The following SMC2 variants were observed in gnomAD, a reference collection of about 807,000 sequenced individuals.
The protein encoded by SMC2 is structural maintenance of chromosomes 2, also known as structural maintenance of chromosomes protein 2.
A neutral mutation model predicts 142.6 loss-of-function variants in SMC2; 41 were observed. The observed-to-expected ratio is 0.29, with a 90% confidence interval of 0.22 to 0.37. The LOEUF is 0.37. Among genes scored for constraint, SMC2 ranks in the 10% least tolerant of loss-of-function variants. The pLI is 1.00. For missense variants in SMC2, 1,265 were observed against 1,373.7 expected, an observed-to-expected ratio of 0.92 and a Z score of 1.25; for synonymous variants, 463 against 457.5, an observed-to-expected ratio of 1.01 and a Z score of -0.15.
chr9:104,119,985 T>C lies in SMC2; in HGVS notation c.1997-42T>C, dbSNP rs200845311. On this transcript the variant is annotated intron_variant, in intron 15 of 24. Coordinates refer to ENST00000374793, the MANE Select transcript of SMC2 (RefSeq NM_006444.3). Reference sequence around the variant, plus strand: ...GACTTTTTATTGTGTAGTACATACCTGGTAACAATGTGGAAGACCTGTTTC... The same window carrying C: ...GACTTTTTATTGTGTAGTACATACCCGGTAACAATGTGGAAGACCTGTTTC... 1.9e-6 allele frequency: 3 copies of C among 1,604,994 alleles called. No homozygotes were observed. In the East Asian group the frequency reaches 6.7e-5, roughly 36 times the overall value.
intron 15 of SMC2, among the ~76,000 whole-genome samples, chr9:104,119,296 T>C (rs560818236): frequency 2.6e-5 from 4 of 152,352 alleles, no homozygotes; most frequent in Admixed American, 6.5e-5. Context: ...TTTTTACTTA[T>C]AGGATATGAA....
rs2131528142 is a variant in SMC2 at position 104,129,841 on chromosome 9, A to G, written c.2987A>G (p.Glu996Gly). Reference sequence around the variant, plus strand: ...ATGAATGTATTGACAGAAGCTGAAGAGCGAGTAAGTCAATTTCTTATGAAT... The same window carrying G: ...ATGAATGTATTGACAGAAGCTGAAGGGCGAGTAAGTCAATTTCTTATGAAT... ...RAMNVLTEAEERYNDLMKKKR... is the reference protein window; with the variant it reads ...RAMNVLTEAEGRYNDLMKKKR... Residue 996 changes from glutamate (E) to glycine (G), a missense_variant, in exon 21 of 25, where the codon GAG becomes GGG. Coordinates refer to ENST00000374793, the MANE Select transcript of SMC2 (RefSeq NM_006444.3). 1 of 1,612,022 alleles carries G rather than the reference A, an allele frequency of 6.2e-7. No individual in the cohort carries two copies.
intron 5 of SMC2, 63 bp from the exon 6 acceptor site, chr9:104,100,030 A>T (rs892644788): frequency 3.7e-5 from 35 of 935,990 alleles, no homozygotes; most frequent in Admixed American, 5.8e-5. Context: ...TGATATATTT[A>T]ATGTAAATTC....
chr9:104,131,293 G>A (rs1834932379), intron 21 of SMC2, among the ~76,000 whole-genome samples: 1 of 152,116 alleles, frequency 6.6e-6, no homozygotes, highest in Non-Finnish European at 1.5e-5. Context: ...TAAGACAATA[G>A]TGAGTTTATT....
intron 13 of SMC2, among the ~76,000 whole-genome samples, chr9:104,115,840 A>G (rs947685205): frequency 2.0e-5 from 3 of 152,052 alleles, no homozygotes; most frequent in Non-Finnish European, 4.4e-5. Context: ...CCTTTGACCT[A>G]TGACCTACTT....
intron 18 of SMC2, among the ~76,000 whole-genome samples, chr9:104,126,385 G>A (rs1163632280): frequency 1.3e-5 from 2 of 151,950 alleles, no homozygotes; most frequent in African/African-American, 2.4e-5. Context: ...TTTCCCTATA[G>A]GAATAAAGGA....
rs536652729 is a variant in SMC2 at position 104,120,096 on chromosome 9, G to A, written c.2066G>A (p.Arg689Lys). 1.2e-6 allele frequency: 2 copies of A among 1,613,916 alleles called. No homozygotes were observed. Among genetic ancestry groups the A allele is most frequent in the Admixed American group, 1.7e-5 (1 of 60,004 alleles). Residue 689 changes from arginine to lysine, a missense_variant, in exon 16 of 25, where the codon AGA (arginine) becomes AAA (lysine). Physicochemically the swap from Arg to Lys is conservative, Grantham distance 26 (BLOSUM62 2). Around this residue, in one of 4 missense-constraint regions of SMC2, gnomAD observed 898 missense variants for 904.2 expected, o/e 0.99. Transcript: ENST00000374793. ...QELKDVQDEL[R>K]IKENELRALE... ...CTCAAAGATGTTCAGGATGAACTGA[G>A]AATCAAAGAGAATGAGCTGCGGGCT...
chr9:104,097,508 G>GAAAAAAAAA (rs59646608), intron 3 of SMC2, among the ~76,000 whole-genome samples: 6 of 121,874 alleles, frequency 4.9e-5, no homozygotes, highest in African/African-American at 1.2e-4. Flanking sequence ...GCCTCTGGTT[G>GAAAAAAAAA]AAAAAAAAAA....
chr9:104,102,295 G>C, intron 8 of SMC2, 102 bp downstream of exon 8: 1 of 1,080,738 alleles, frequency 9.3e-7, no homozygotes, highest in South Asian at 1.7e-5. Flanking sequence ...CTTCCGTATT[G>C]ATTTGTTAAT....
At chr9:104,123,424 T>C (rs1833941727) in intron 17 of SMC2, among the ~76,000 whole-genome samples, 192 bp downstream of exon 17, 1 of 152,144 alleles carries the variant, frequency 6.6e-6, no homozygotes, top group African/African-American at 2.4e-5. Flanking sequence ...CAAAGGTCTG[T>C]TCGTTTTTAC....
chr9:104,126,532 C>A, intron 18 of SMC2, 109 bp from the exon 19 acceptor site: 3 of 759,444 alleles, frequency 4.0e-6, no homozygotes, highest in Non-Finnish European at 3.9e-6. Flanking sequence ...GGTAACAAAG[C>A]TGTGGGTCTT....
chr9:104,133,715 A>G (rs368909725), intron 22 of SMC2, among the ~76,000 whole-genome samples: 1 of 152,180 alleles, frequency 6.6e-6, no homozygotes, highest in South Asian at 2.1e-4. Flanking sequence ...TTGGCCCTAA[A>G]TCTCTGTCTC....
In SMC2 at chr9:104,138,180, A is replaced by G. The variant is rs181661691; in HGVS notation, c.3417+15A>G. The G allele has an allele frequency of 6.3e-6, 10 of 1,581,038 alleles. No individual in the cohort carries two copies. Among genetic ancestry groups the G allele is most frequent in the Non-Finnish European group, 8.6e-6 (10 of 1,159,980 alleles). The stretch of plus-strand genomic sequence containing the variant: ...CACATTCTCAGGTAAGAACCAGGAA[A>G]AAAAGTCTCAGTAATAGTTTAATTA... On this transcript the variant is annotated intron_variant, in intron 24 of 24. Transcript: ENST00000374793.
At chr9:104,103,447 T>C (rs1181524266) in intron 9 of SMC2, among the ~76,000 whole-genome samples, 1 of 152,208 alleles carries the variant, frequency 6.6e-6, no homozygotes, top group Non-Finnish European at 1.5e-5. Flanking sequence ...AAATAAATTC[T>C]ATATTGACAG....
intron 9 of SMC2, among the ~76,000 whole-genome samples, chr9:104,109,209 C>T (rs1832148469): frequency 6.6e-6 from 1 of 152,106 alleles, no homozygotes; most frequent in Admixed American, 6.5e-5. Flanking sequence ...TAGAATTTAG[C>T]AATTTCCCTC....
intron 9 of SMC2, among the ~76,000 whole-genome samples, chr9:104,110,346 T>A (rs780792550): frequency 6.6e-6 from 1 of 152,220 alleles, no homozygotes; most frequent in Non-Finnish European, 1.5e-5. Context: ...TATAAACTTA[T>A]CGCATCAATA....
chr9:104,090,807 G>GAGTT (rs1429175017), upstream of SMC2, among the ~76,000 whole-genome samples: 2 of 151,030 alleles, frequency 1.3e-5, no homozygotes, highest in Non-Finnish European at 2.9e-5. Context: ...TCGTAAACAA[G>GAGTT]AGTTAGGAAC....
intron 23 of SMC2, among the ~76,000 whole-genome samples, chr9:104,136,755 CTTTT>C (rs755408895): frequency 1.7e-5 from 2 of 119,816 alleles, no homozygotes; most frequent in East Asian, 2.4e-4. Context: ...CTGTTTTATT[CTTTT>C]TTTTTTTTTT....
At chr9:104,103,790 T>G (rs1831440617) in intron 9 of SMC2, among the ~76,000 whole-genome samples, 1 of 152,254 alleles carries the variant, frequency 6.6e-6, no homozygotes, top group Non-Finnish European at 1.5e-5. Context: ...TTAGATATTT[T>G]TGCAGAGAAA....
Sources: gnomAD v4.1 joint callset for allele counts (sites outside exome capture counted in the v4.1 genomes callset) on GRCh38, gnomAD v4.1.1 for gene constraint, gnomAD v4.1.1 regional missense constraint, MANE v1.5 for transcripts, NCBI Gene and HGNC (gene_info 2026-07-23, HGNC 2026-07-21) for gene names.